Variants in CHD9 observed in about 807,000 individuals in gnomAD.
The protein encoded by CHD9 is ATP-dependent chromatin remodeler CHD9.
In CHD9, 77 loss-of-function variants were observed where a neutral mutation model predicts 316.1. That is an observed-to-expected ratio of 0.24 (90% CI 0.20 to 0.29). CHD9 has a LOEUF of 0.29. Ranked by LOEUF, CHD9 falls within the 10% of genes least tolerant of loss-of-function variation. CHD9 has a pLI of 1.00. For synonymous variants in CHD9, 1,129 were observed against 1,158.3 expected (o/e 0.97, Z 0.51); for missense variants, 2,763 against 3,438.1 (o/e 0.80, Z 4.91).
intron 1 of CHD9, among the ~76,000 whole-genome samples, chr16:53,122,759 T>G (rs974652600): frequency 1.3e-5 from 2 of 151,958 alleles, no homozygotes; most frequent in African/African-American, 4.8e-5. Context: ...CAGGCTGGAG[T>G]GCAGTGGAGC....
At chr16:53,252,697 G>GAAA (rs74199598) in intron 17 of CHD9, among the ~76,000 whole-genome samples, 2 of 76,806 alleles carry the variant, frequency 2.6e-5, no homozygotes, top group Non-Finnish European at 5.4e-5. Context: ...ACTCAAATCA[G>GAAA]AAAAAAAAAA....
Position 53,156,623 on chromosome 16 carries a change from C to G in CHD9, c.534C>G (p.Arg178=). Residue 178 remains arginine, a synonymous_variant, in exon 2 of 39, where the codon CGC becomes CGG. Coordinates refer to ENST00000447540, the MANE Select transcript of CHD9 (RefSeq NM_001308319.2). ...AACAAACACAGTGTACTTCACTACG[C>G]TCACAACAAAACAGAAATAATCTCA... ...NEQQTQCTSL[R]SQQNRNNLNP... 1 of 1,613,910 alleles carries G rather than the reference C, an allele frequency of 6.2e-7. No individual in the cohort carries two copies. Among genetic ancestry groups the G allele is most frequent in the Non-Finnish European group, 8.5e-7 (1 of 1,179,862 alleles).
chr16:53,156,229 C>T lies in CHD9; in HGVS notation c.140C>T (p.Pro47Leu), dbSNP rs771896208. The T allele has an allele frequency of 1.9e-6, 3 of 1,613,810 alleles. No individual in the cohort carries two copies. Among genetic ancestry groups the T allele is most frequent in the African/African-American group, 1.3e-5 (1 of 74,914 alleles). Residue 47 changes from proline to leucine, a missense_variant, in exon 2 of 39, where the codon CCG becomes CTG. Coordinates refer to ENST00000447540, the MANE Select transcript of CHD9 (RefSeq NM_001308319.2). ...TTGAATTTGGGTGCAGAATTTGAAC[C>T]GTTGCACATAGATTCACTGAACCAT... is the stretch of plus-strand genomic sequence containing the variant. ...DELNLGAEFE[P>L]LHIDSLNHVQ...
intron 38 of CHD9, among the ~76,000 whole-genome samples, chr16:53,323,127 A>G (rs761728755): frequency 6.6e-6 from 1 of 152,224 alleles, no homozygotes; most frequent in Non-Finnish European, 1.5e-5. Flanking sequence ...GTGAATTAAC[A>G]TTAAGTGTAA....
intron 2 of CHD9, among the ~76,000 whole-genome samples, chr16:53,184,460 C>A (rs2043812898): frequency 6.6e-6 from 1 of 152,094 alleles, no homozygotes; most frequent in South Asian, 2.1e-4. Flanking sequence ...CCCCAACCTC[C>A]CTAGTAGCTG....
At chr16:53,145,110 T>G (rs1167826122) in intron 1 of CHD9, among the ~76,000 whole-genome samples, 2 of 151,922 alleles carry the variant, frequency 1.3e-5, no homozygotes, top group African/African-American at 4.8e-5. Flanking sequence ...GGTTAGAAGT[T>G]TTCTAAGCAG....
At chr16:53,225,382 C>A (rs1011497794) in intron 4 of CHD9, among the ~76,000 whole-genome samples, 2 of 152,088 alleles carry the variant, frequency 1.3e-5, no homozygotes, top group Non-Finnish European at 2.9e-5. Context: ...GTCTCTACCC[C>A]ATGAGATTAC....
chr16:53,201,993 G>A lies in CHD9; in HGVS notation c.1453-7489G>A, dbSNP rs913064116. 2.6e-5 allele frequency among the ~76,000 whole-genome samples: 4 copies of A among 151,620 alleles called. No individual in the cohort carries two copies. In the South Asian group the frequency reaches 8.3e-4, roughly 32 times the overall value. On this transcript the variant is annotated intron_variant, in intron 2 of 38. Transcript: ENST00000447540. ...CCCACCTCAGCCTCCCAAGCAACTC[G>A]GACTACAGATGTGCACCATCACACT...
In CHD9 at chr16:53,293,099, G is replaced by T. The variant is rs972843290; in HGVS notation, c.5510+47G>T. 11 of 1,478,254 alleles carry T rather than the reference G, an allele frequency of 7.4e-6. No individual in the cohort carries two copies. In the African/African-American group the frequency reaches 1.1e-4, roughly 15 times the overall value. 91.6% of individuals were successfully genotyped at this position (1,478,254 alleles called of 1,614,324 possible). A position where few individuals can be genotyped will look rare whatever the true frequency, so the allele number is the denominator to read the frequency against. ...TTTAATGTATTGTCTAAATGTAGCTGTTCATTCTAAAGCCTGTCTGGGTAC... is the reference window on the plus strand; with the variant it reads ...TTTAATGTATTGTCTAAATGTAGCTTTTCATTCTAAAGCCTGTCTGGGTAC... On this transcript the variant is annotated intron_variant, in intron 29 of 38. Coordinates refer to ENST00000447540, the MANE Select transcript of CHD9 (RefSeq NM_001308319.2).
At chr16:53,260,524 G>A (rs769108915) in intron 19 of CHD9, among the ~76,000 whole-genome samples, 17 of 151,944 alleles carry the variant, frequency 1.1e-4, no homozygotes, top group Middle Eastern at 3.2e-3. Flanking sequence ...GTGGTTTCTC[G>A]TTAAGAGTGT....
intron 1 of CHD9, among the ~76,000 whole-genome samples, chr16:53,126,586 C>CTTTTTTT (rs200069064): frequency 1.7e-5 from 2 of 117,654 alleles, no homozygotes; most frequent in Non-Finnish European, 3.4e-5. Context: ...TTTCAGGATC[C>CTTTTTTT]TTTTTTTTTT....
chr16:53,073,870 G>A (rs1254319972), intron 1 of CHD9, among the ~76,000 whole-genome samples: 1 of 152,158 alleles, frequency 6.6e-6, no homozygotes, highest in Non-Finnish European at 1.5e-5. Flanking sequence ...GACTAATACA[G>A]TAAATTGGTA....
At chr16:53,189,529 T>A (rs2152823917) in intron 2 of CHD9, among the ~76,000 whole-genome samples, 1 of 151,754 alleles carries the variant, frequency 6.6e-6, no homozygotes. Context: ...TATGTATCTC[T>A]CTCTCTATAT....
At chr16:53,280,240 A>G (rs958160420) in intron 24 of CHD9, among the ~76,000 whole-genome samples, 4 of 152,238 alleles carry the variant, frequency 2.6e-5, no homozygotes, top group African/African-American at 7.2e-5. Flanking sequence ...ATAGCAGCAC[A>G]GTTTGCAATT....
At chr16:53,087,600 C>T (rs955787443) in intron 1 of CHD9, among the ~76,000 whole-genome samples, 1 of 152,108 alleles carries the variant, frequency 6.6e-6, no homozygotes, top group Non-Finnish European at 1.5e-5. Context: ...TTGAAAGGAT[C>T]GTTATGAGAT....
intron 13 of CHD9, 34 bp downstream of exon 13, chr16:53,243,050 A>T: frequency 6.8e-7 from 1 of 1,465,356 alleles, no homozygotes; most frequent in Non-Finnish European, 9.4e-7. Context: ...ATGACAATTG[A>T]GTTTATTAGA....
At chr16:53,176,453 C>T (rs1052076037) in intron 2 of CHD9, among the ~76,000 whole-genome samples, 1 of 152,128 alleles carries the variant, frequency 6.6e-6, no homozygotes, top group Non-Finnish European at 1.5e-5. Flanking sequence ...GAATTATTTG[C>T]CATATTACCT....
intron 24 of CHD9, among the ~76,000 whole-genome samples, chr16:53,275,625 C>G (rs1007910627): frequency 1.3e-5 from 2 of 152,130 alleles, no homozygotes; most frequent in Admixed American, 6.5e-5. Flanking sequence ...TCTCCATTCT[C>G]TAATTATCTG....
chr16:53,102,435 G>A (rs1286470238), intron 1 of CHD9, among the ~76,000 whole-genome samples: 1 of 152,088 alleles, frequency 6.6e-6, no homozygotes, highest in Non-Finnish European at 1.5e-5. Flanking sequence ...GTGCAGAGCT[G>A]TTAAATAAAT....
Sources: gnomAD v4.1 joint callset for allele counts (sites outside exome capture counted in the v4.1 genomes callset) on GRCh38, gnomAD v4.1.1 for gene constraint, MANE v1.5 for transcripts, NCBI Gene and HGNC (gene_info 2026-07-23, HGNC 2026-07-21) for gene names.